The following ERP27 variants were observed in gnomAD, a reference collection of about 807,000 sequenced individuals.
The protein encoded by ERP27 is endoplasmic reticulum protein 27, also known as endoplasmic reticulum resident protein 27.
ERP27 carries 23 observed loss-of-function variants against 27.7 expected under a neutral mutation model. That is an observed-to-expected ratio of 0.83 (90% CI 0.60 to 1.18). ERP27 has a LOEUF of 1.18. ERP27 is among the 50% of genes most tolerant of loss of function. The pLI is 0.00. For synonymous variants in ERP27, 159 were observed against 118.3 expected (o/e 1.34, Z -2.23); for missense variants, 363 against 327.9 (o/e 1.11, Z -0.83).
chr12:14,938,169 G>T, intron 1 of ERP27, 117 bp from the exon 2 acceptor site: 1 of 847,184 alleles, frequency 1.2e-6, no homozygotes. Flanking sequence ...CAATTTATAG[G>T]AGTACTGTTG....
intron 4 of ERP27, among the ~76,000 whole-genome samples, chr12:14,918,136 C>G (rs1016016365): frequency 6.6e-6 from 1 of 152,098 alleles, no homozygotes; most frequent in Admixed American, 6.5e-5. Context: ...CTTCAAGGTC[C>G]CAGTTTTTCA....
At chr12:14,919,098 T>C (rs1406556066) in intron 4 of ERP27, among the ~76,000 whole-genome samples, 2 of 152,198 alleles carry the variant, frequency 1.3e-5, no homozygotes, top group Non-Finnish European at 2.9e-5. Flanking sequence ...GGTGCATGGC[T>C]GGGATTTTCT....
At chr12:14,915,248 G>A (rs1379747801) in intron 6 of ERP27, among the ~76,000 whole-genome samples, 1 of 152,098 alleles carries the variant, frequency 6.6e-6, no homozygotes. Context: ...ATTTCTTTGT[G>A]TTGGAAACAT....
chr12:14,921,034 T>G lies in ERP27; in HGVS notation c.348A>C (p.Gln116His). Residue 116 changes from glutamine (Q) to histidine (H), a missense_variant, in exon 4 of 7, where the codon CAA (glutamine) becomes CAC (histidine). Transcript: ENST00000266397. ...CAATGTCTTCGTCCTCTAAATTCAG[T>G]TGTTCATTGTCTACCTGGATAACAC... ...ICLFRLVDNE[Q>H]LNLEDEDIES... is the part of the protein sequence containing the mutation. The G allele has an allele frequency of 6.2e-7, 1 of 1,613,862 alleles. No homozygotes were observed. Among genetic ancestry groups the G allele is most frequent in the African/African-American group, 1.3e-5 (1 of 75,032 alleles).
chr12:14,917,419 A>G, intron 4 of ERP27, 116 bp from the exon 5 acceptor site: 1 of 1,378,252 alleles, frequency 7.3e-7, no homozygotes, highest in Non-Finnish European at 1.0e-6. Context: ...TGGTAACACA[A>G]ATGGAACTAG....
intron 3 of ERP27, among the ~76,000 whole-genome samples, chr12:14,927,912 A>G (rs1863631088): frequency 6.6e-6 from 1 of 152,188 alleles, no homozygotes; most frequent in Admixed American, 6.5e-5. Flanking sequence ...GATATATTGA[A>G]AGATAGGACT....
chr12:14,922,347 C>G (rs1863517796), intron 3 of ERP27, among the ~76,000 whole-genome samples: 1 of 152,146 alleles, frequency 6.6e-6, no homozygotes, highest in South Asian at 2.1e-4. Flanking sequence ...ATGGTTATGT[C>G]TCAGTGGTTT....
At chr12:14,923,580 GAAACAGAA>G (rs893034523) in intron 3 of ERP27, among the ~76,000 whole-genome samples, 3 of 151,240 alleles carry the variant, frequency 2.0e-5, no homozygotes, top group African/African-American at 7.3e-5. Flanking sequence ...GGTGAACAGA[GAAACAGAA>G]AAACAGAACC....
chr12:14,914,300 A>G lies in ERP27; in HGVS notation c.*435T>C. The G allele has an allele frequency of 6.3e-6, 1 of 157,662 alleles. No homozygotes were observed. Among genetic ancestry groups the G allele is most frequent in the Non-Finnish European group, 1.4e-5 (1 of 71,724 alleles). The allele number at this position is 157,662 out of a possible 1,614,324, so 9.8% of individuals were successfully genotyped here. On this transcript the variant is annotated 3_prime_UTR_variant, in exon 7 of 7. Transcript: ENST00000266397. ...AACCCTTAGGTAACCTTAAAAGAGC[A>G]GGAACTATGTTGTGTGTAAGTCATG...
rs961929446 is a variant in ERP27, at chr12:14,938,031, T to A, written c.116A>T (p.Glu39Val). 1 of 1,613,954 alleles carries A rather than the reference T, an allele frequency of 6.2e-7. No individual in the cohort carries two copies. The highest frequency in any genetic ancestry group is 1.7e-5 in the Admixed American group (1 of 60,016). ...TGGGACATCTGTGAGCCACGTGGGTTCCTGGGCAGCACCAGGACCATCTAG... is the reference window on the plus strand; with the variant it reads ...TGGGACATCTGTGAGCCACGTGGGTACCTGGGCAGCACCAGGACCATCTAG... ...KSSDGPGAAQ[E>V]PTWLTDVPAA... The change falls in exon 2 of 7, where the codon GAA becomes GTA. Residue 39 changes from glutamate (E) to valine (V), a missense_variant. Coordinates refer to ENST00000266397, the MANE Select transcript of ERP27 (RefSeq NM_152321.4).
chr12:14,938,212 T>C (rs1290076497), intron 1 of ERP27, among the ~76,000 whole-genome samples, 160 bp from the exon 2 acceptor site: 1 of 152,142 alleles, frequency 6.6e-6, no homozygotes, highest in Non-Finnish European at 1.5e-5. Flanking sequence ...TACTAACATA[T>C]GGAAGGTGAC....
intron 4 of ERP27, 25 bp downstream of exon 4, chr12:14,920,907 A>G (rs1268100723): frequency 6.3e-7 from 1 of 1,583,624 alleles, no homozygotes; most frequent in South Asian, 1.1e-5. Context: ...GTCTGAAGGG[A>G]CTAAGAACAG....
chr12:14,929,809 A>T (rs898510620), intron 3 of ERP27, among the ~76,000 whole-genome samples: 1 of 152,202 alleles, frequency 6.6e-6, no homozygotes, highest in African/African-American at 2.4e-5. Context: ...TATAAAATGT[A>T]TTAAAATTGT....
intron 3 of ERP27, among the ~76,000 whole-genome samples, chr12:14,927,486 G>A (rs879814774): frequency 5.6e-5 from 6 of 106,972 alleles, no homozygotes; most frequent in Non-Finnish European, 1.2e-4. Context: ...AGGATTCAAA[G>A]GGGATGTGAA....
chr12:14,935,718 C>T (rs1173766968), intron 2 of ERP27, among the ~76,000 whole-genome samples: 1 of 152,116 alleles, frequency 6.6e-6, no homozygotes, highest in East Asian at 1.9e-4. Context: ...TTGGTAGTGG[C>T]TTAAGATGTA....
At chr12:14,917,886 C>G (rs1482710146) in intron 4 of ERP27, among the ~76,000 whole-genome samples, 1 of 152,156 alleles carries the variant, frequency 6.6e-6, no homozygotes, top group Non-Finnish European at 1.5e-5. Flanking sequence ...ATGAGATTAT[C>G]AATGTTTTTT....
chr12:14,922,202 G>A (rs1040687985), intron 3 of ERP27, among the ~76,000 whole-genome samples: 4 of 152,148 alleles, frequency 2.6e-5, no homozygotes, highest in Non-Finnish European at 4.4e-5. Flanking sequence ...TAGTTAACTA[G>A]TAGAAAATGC....
chr12:14,922,890 C>G (rs1863528063), intron 3 of ERP27, among the ~76,000 whole-genome samples: 1 of 152,094 alleles, frequency 6.6e-6, no homozygotes. Flanking sequence ...AGCCGGCCAA[C>G]ATGGTGAAAC....
Position 14,934,896 on chromosome 12 carries a change from T to G in ERP27, c.293A>C (p.His98Pro). Residue 98 changes from histidine (H) to proline (P), a missense_variant, in exon 3 of 7, where the codon CAC becomes CCC. Transcript: ENST00000266397. The stretch of plus-strand genomic sequence containing the variant: ...GATGGTGTTCCCAGTGATGTTGTAG[T>G]GTGTCAGAACCTCAGAATCAGTGCT... ...GISTDSEVLT[H>P]YNITGNTICL... 6.2e-7 allele frequency: 1 copy of G among 1,614,134 alleles called. No individual in the cohort carries two copies. The highest frequency in any genetic ancestry group is 8.5e-7 in the Non-Finnish European group (1 of 1,179,974).
Sources: gnomAD v4.1 joint callset for allele counts (sites outside exome capture counted in the v4.1 genomes callset) on GRCh38, gnomAD v4.1.1 for gene constraint, MANE v1.5 for transcripts, NCBI Gene and HGNC (gene_info 2026-07-23, HGNC 2026-07-21) for gene names.